Variants in TRIM72 observed in about 807,000 individuals in gnomAD.
The protein encoded by TRIM72 is tripartite motif-containing protein 72.
Under a neutral mutation model 31.6 loss-of-function variants are expected in TRIM72, and 33 were observed. The ratio of observed to expected loss-of-function variants is 1.04; its 90% CI spans 0.79 to 1.40. The LOEUF (loss-of-function observed/expected upper bound fraction) is 1.40, where lower values mean the gene tolerates loss of function less well. Ranked by LOEUF, TRIM72 falls within the 40% of genes most tolerant of loss-of-function variation. The pLI, the probability that TRIM72 is intolerant of heterozygous loss-of-function variation, is 0.00. For missense variants in TRIM72, 666 were observed against 682.7 expected (o/e 0.98, Z 0.27); for synonymous variants, 301 against 314.4 (o/e 0.96, Z 0.45).
At position 31,216,933 on chromosome 16, in the gene TRIM72, C is replaced by G. The variant is rs140415359; in HGVS notation, c.390+1805C>G. On this transcript the variant is annotated intron_variant, in intron 2 of 6. Transcript: ENST00000322122. The surrounding 1 kb of genome is among the most constrained non-coding windows in gnomAD (Gnocchi z 6.7). ...GCGGGATGCGCTCAAAGCCCTCGCG[C>G]AGCGGCACCGTCCCCAGCTTCATCT... The G allele has an allele frequency of 1.5e-4, 238 of 1,614,154 alleles. No homozygotes were observed. The African/African-American group carries it at 3.0e-3, about 20-fold the overall frequency.
At position 31,216,770 on chromosome 16, in the gene TRIM72, G is replaced by T; in HGVS notation, c.390+1642G>T. ...GCTCAGAGTGGCCCTCACGCAGCCC[G>T]CTGCAGCCGTGCGGCCTCCTCCAAC... On this transcript the variant is annotated intron_variant, in intron 2 of 6. Coordinates refer to ENST00000322122, the MANE Select transcript of TRIM72 (RefSeq NM_001008274.4). This position sits in a 1 kb window ranked among gnomAD's most constrained non-coding sequence, Gnocchi z 6.7. The T allele has an allele frequency of 6.2e-7, 1 of 1,601,492 alleles. No homozygotes were observed. The highest frequency in any genetic ancestry group is 8.5e-7 in the Non-Finnish European group (1 of 1,170,972).
In TRIM72 at chr16:31,214,983, C is replaced by G. The variant is rs767071126; in HGVS notation, c.245C>G (p.Pro82Arg). Residue 82 changes from proline (P) to arginine (R), a missense_variant, in exon 2 of 7, where the codon CCG becomes CGG. Pro to Arg is a moderately radical substitution (Grantham distance 103). Transcript: ENST00000322122. ...ARLVEGLAQV[P>R]QGHCEEHLDP... ...CTGGTGGAGGGGCTGGCCCAGGTGC[C>G]GCAGGGCCACTGCGAGGAGCACCTG... The G allele has an allele frequency of 1.3e-6, 2 of 1,493,442 alleles. No homozygotes were observed. Among genetic ancestry groups the G allele is most frequent in the South Asian group, 1.3e-5 (1 of 78,984 alleles). The allele number at this position is 1,493,442 out of a possible 1,614,324, so 92.5% of individuals were successfully genotyped here. A position where few individuals can be genotyped will look rare whatever the true frequency, so the allele number is the denominator to read the frequency against.
chr16:31,222,963 C>T lies in TRIM72; in HGVS notation c.859+18C>T. 6.3e-7 allele frequency: 1 copy of T among 1,578,146 alleles called. No homozygotes were observed. Among genetic ancestry groups the T allele is most frequent in the Non-Finnish European group, 8.6e-7 (1 of 1,159,804 alleles). On this transcript the variant is annotated intron_variant, in intron 6 of 6. Coordinates refer to ENST00000322122, the MANE Select transcript of TRIM72 (RefSeq NM_001008274.4). ...GATGCCAGGTACCGGGAGGGACTGG[C>T]TCAGGTTTGTGTGTGACCAGGCAGT...
At chr16:31,221,115 C>T (rs1224260569) in intron 5 of TRIM72, among the ~76,000 whole-genome samples, 197 bp downstream of exon 5, 2 of 152,162 alleles carry the variant, frequency 1.3e-5, no homozygotes, top group African/African-American at 4.8e-5. Context: ...AGATTGGTGC[C>T]GTGAGACACA....
intron 5 of TRIM72, among the ~76,000 whole-genome samples, chr16:31,222,482 C>CTTCT (rs1555512074): frequency 0.011 from 1,260 of 117,926 alleles, 23 homozygotes; most frequent in African/African-American, 0.036. Context: ...TCTTCTTCTT[C>CTTCT]TTTTTTTTTT....
chr16:31,219,521 T>G lies in TRIM72; in HGVS notation c.717+2T>G. 6.2e-7 allele frequency: 1 copy of G among 1,610,500 alleles called. No individual in the cohort carries two copies. The highest frequency in any genetic ancestry group is 8.5e-7 in the Non-Finnish European group (1 of 1,178,532). On this transcript the variant is annotated splice_donor_variant, in intron 4 of 6. Transcript: ENST00000322122. LOFTEE classifies it high-confidence loss of function. The surrounding 1 kb of genome is among the most constrained non-coding windows in gnomAD (Gnocchi z 4.2). ...AAGCCGCAGACTGAGTTCCTCATGG[T>G]GAGCACTGGGTGACCCCCCTCCCTG...
chr16:31,216,457 C>A lies in TRIM72; in HGVS notation c.390+1329C>A, dbSNP rs1000961838. 2 of 382,828 alleles carry A rather than the reference C, an allele frequency of 5.2e-6. No homozygotes were observed. Among genetic ancestry groups the A allele is most frequent in the South Asian group, 8.7e-5 (1 of 11,486 alleles). The allele number at this position is 382,828 out of a possible 1,614,324, so 23.7% of individuals were successfully genotyped here. ...ACAAAAAACAAACAAACAAAAAAAA[C>A]CCAACCTCGCCCAACCTTGCCCGTC... On this transcript the variant is annotated intron_variant, in intron 2 of 6. Transcript: ENST00000322122. The surrounding 1 kb of genome is among the most constrained non-coding windows in gnomAD (Gnocchi z 6.7).
chr16:31,223,819 G>A (rs971055524), intron 6 of TRIM72, among the ~76,000 whole-genome samples: 2 of 152,058 alleles, frequency 1.3e-5, no homozygotes, highest in African/African-American at 4.8e-5. Context: ...GAGATGGGAG[G>A]ATTGCTTGAG....
rs756552516 is a variant in TRIM72, at chr16:31,214,721, C to T, written c.-7-11C>T. ...CGCGGGGTCCCCCTAACCTACTCCT[C>T]CTCCACCCAGGCCCGCCATGTCGGC... is the stretch of plus-strand genomic sequence containing the variant. On this transcript the variant is annotated splice_polypyrimidine_tract_variant and intron_variant, in intron 1 of 6. Coordinates refer to ENST00000322122, the MANE Select transcript of TRIM72 (RefSeq NM_001008274.4). 15 of 1,556,850 alleles carry T rather than the reference C, an allele frequency of 9.6e-6. No homozygotes were observed. Among genetic ancestry groups the T allele is most frequent in the Non-Finnish European group, 1.3e-5 (15 of 1,162,876 alleles).
At chr16:31,217,090 C>T in intron 2 of TRIM72, 1 of 1,534,172 alleles carries the variant, frequency 6.5e-7, no homozygotes, top group Admixed American at 1.9e-5. Context: ...ACCTTTCCTG[C>T]AGCAGGTGGA....
At position 31,226,718 on chromosome 16, in the gene TRIM72, G is replaced by A. The variant is rs1237932712; in HGVS notation, c.*1963G>A. ...TTTTAGCGCACAGGGCATTTCTTGG[G>A]CTCTGGAGTAACCACTGAGGCCAGA... On this transcript the variant is annotated 3_prime_UTR_variant, in exon 7 of 7. Coordinates refer to ENST00000322122, the MANE Select transcript of TRIM72 (RefSeq NM_001008274.4). The A allele has an allele frequency of 6.6e-6, 1 of 152,262 alleles. No individual in the cohort carries two copies. Among genetic ancestry groups the A allele is most frequent in the African/African-American group, 2.4e-5 (1 of 41,444 alleles). 9.4% of individuals were successfully genotyped at this position (152,262 alleles called of 1,614,324 possible).
intron 1 of TRIM72, among the ~76,000 whole-genome samples, 169 bp from the exon 2 acceptor site, chr16:31,214,563 C>T (rs978973578): frequency 6.6e-6 from 1 of 152,194 alleles, no homozygotes; most frequent in African/African-American, 2.4e-5. Flanking sequence ...GACCGAGTTC[C>T]TCTTTCCCCT....
chr16:31,217,602 CT>C (rs2079516277), intron 2 of TRIM72, among the ~76,000 whole-genome samples: 1 of 147,598 alleles, frequency 6.8e-6, no homozygotes. Flanking sequence ...AATGGTTGGT[CT>C]GTGCAGGGGA....
intron 1 of TRIM72, 63 bp from the exon 2 acceptor site, chr16:31,214,669 G>A (rs1203233463): frequency 1.1e-5 from 15 of 1,412,278 alleles, no homozygotes; most frequent in East Asian, 2.9e-5. Flanking sequence ...CTAGGGCTGG[G>A]CCAGGGCTGG....
In TRIM72 at chr16:31,216,422, TA is replaced by T. The variant is rs371713060; in HGVS notation, c.390+1304del. The T allele has an allele frequency of 5.7e-3, 1,537 of 270,062 alleles. No homozygotes were observed. The highest frequency in any genetic ancestry group is 0.011 in the Middle Eastern group (10 of 936). 16.7% of individuals were successfully genotyped at this position (270,062 alleles called of 1,614,324 possible). The stretch of plus-strand genomic sequence containing the variant: ...TCTTTGCAATAAATCTTGCTGCCGC[TA>T]AAAAAAAAACAAAAAACAAACAAAC... On this transcript the variant is annotated intron_variant, in intron 2 of 6. Coordinates refer to ENST00000322122, the MANE Select transcript of TRIM72 (RefSeq NM_001008274.4). This position sits in a 1 kb window ranked among gnomAD's most constrained non-coding sequence, Gnocchi z 6.7.
At chr16:31,220,241 GT>G (rs1037126404) in intron 4 of TRIM72, among the ~76,000 whole-genome samples, 3 of 151,590 alleles carry the variant, frequency 2.0e-5, no homozygotes, top group Non-Finnish European at 4.4e-5. Flanking sequence ...GTCTCATTAT[GT>G]TGCCCAGACT....
rs1398024761 is a variant in TRIM72, at chr16:31,214,619, G to A, written c.-7-113G>A. The A allele has an allele frequency of 9.1e-6, 11 of 1,207,384 alleles. No homozygotes were observed. In the East Asian group the frequency reaches 3.5e-4, roughly 38 times the overall value. The allele number at this position is 1,207,384 out of a possible 1,614,324, so 74.8% of individuals were successfully genotyped here. On this transcript the variant is annotated intron_variant, in intron 1 of 6. Coordinates refer to ENST00000322122, the MANE Select transcript of TRIM72 (RefSeq NM_001008274.4). ...AGTGTAGGATGTGAGGTCTTTACAG[G>A]CTGGGGCTTCTCCCTGCGGGGCGGC...
At position 31,215,962 on chromosome 16, in the gene TRIM72, T is replaced by C. The variant is rs925432814; in HGVS notation, c.390+834T>C. ...CGGGCACGTGTGCGCGCAGCCCCAG[T>C]AAAGTCTGCCATGAATATTTATTGG... On this transcript the variant is annotated intron_variant, in intron 2 of 6. Coordinates refer to ENST00000322122, the MANE Select transcript of TRIM72 (RefSeq NM_001008274.4). This position sits in a 1 kb window ranked among gnomAD's most constrained non-coding sequence, Gnocchi z 6.3. The C allele has an allele frequency of 6.6e-6, 1 of 152,076 alleles. No individual in the cohort carries two copies. Among genetic ancestry groups the C allele is most frequent in the East Asian group, 1.9e-4 (1 of 5,182 alleles). 9.4% of individuals were successfully genotyped at this position (152,076 alleles called of 1,614,324 possible).
rs2288005 is a variant in TRIM72, at chr16:31,216,587, C to T, written c.390+1459C>T. Among the ~76,000 whole-genome samples, 68,883 of 152,002 alleles carry T rather than the reference C, an allele frequency of 0.45. 17,469 individuals are homozygous for T. Among genetic ancestry groups the T allele is most frequent in the East Asian group, 0.75 (3,871 of 5,130 alleles). The stretch of plus-strand genomic sequence containing the variant: ...GCGAGATGCAGCCCACCAGGGTTCG[C>T]GGCAGCCCAGCCCTTCGCCCCCGGG... On this transcript the variant is annotated intron_variant, in intron 2 of 6. Coordinates refer to ENST00000322122, the MANE Select transcript of TRIM72 (RefSeq NM_001008274.4). This position sits in a 1 kb window ranked among gnomAD's most constrained non-coding sequence, Gnocchi z 6.7.
Sources: gnomAD v4.1 joint callset for allele counts (sites outside exome capture counted in the v4.1 genomes callset) on GRCh38, gnomAD v4.1.1 for gene constraint, Gnocchi (gnomAD v3.1) non-coding constraint, MANE v1.5 for transcripts, NCBI Gene and HGNC (gene_info 2026-07-23, HGNC 2026-07-21) for gene names.